GALNT13: variants seen among roughly 807,000 people sequenced by gnomAD.
GALNT13 encodes the protein UDP-GalNAc:polypeptide N-acetylgalactosaminyltransferase 13.
Under a neutral mutation model 64.2 loss-of-function variants are expected in GALNT13, and 28 were observed. That is an observed-to-expected ratio of 0.44 (90% CI 0.32 to 0.60). The LOEUF is 0.60. GALNT13 is among the 20% of genes least tolerant of loss of function. GALNT13 has a pLI of 0.05. For missense variants in GALNT13, 577 were observed against 669.8 expected (o/e 0.86, Z 1.53); for synonymous variants, 214 against 224.6 (o/e 0.95, Z 0.42).
At chr2:153,815,663 T>C in the GALNT13 span, among the ~76,000 whole-genome samples, 5 of 152,358 alleles carry the variant, frequency 3.3e-5, no homozygotes, top group East Asian at 3.9e-4. Context: ...TAACTCTGCA[T>C]GTCTTACAAT....
chr2:153,170,511 T>A, the GALNT13 span, among the ~76,000 whole-genome samples: 3 of 152,202 alleles, frequency 2.0e-5, no homozygotes, highest in African/African-American at 7.2e-5. Context: ...ACAGGTGATT[T>A]CTGACAATAG....
intron 9 of GALNT13, among the ~76,000 whole-genome samples, chr2:154,343,706 C>T (rs970858578): frequency 1.3e-5 from 2 of 151,982 alleles, no homozygotes; most frequent in Admixed American, 6.6e-5. Flanking sequence ...ATGGCTGTAA[C>T]ATTGATATAT....
At chr2:154,006,879 A>C (rs1435230317) in intron 3 of GALNT13, among the ~76,000 whole-genome samples, 1 of 152,206 alleles carries the variant, frequency 6.6e-6, no homozygotes, top group African/African-American at 2.4e-5. Flanking sequence ...GAAGACTTGT[A>C]AGATGGCTCC....
intron 8 of GALNT13, among the ~76,000 whole-genome samples, chr2:154,285,015 CAT>C (rs1024194639): frequency 6.6e-6 from 1 of 151,872 alleles, no homozygotes; most frequent in African/African-American, 2.4e-5. Context: ...GTTAGTGATT[CAT>C]ATCTTTTTTT....
At chr2:153,551,878 T>C in the GALNT13 span, among the ~76,000 whole-genome samples, 8 of 152,262 alleles carry the variant, frequency 5.3e-5, no homozygotes, top group Middle Eastern at 3.4e-3. Flanking sequence ...AAAACCTGTA[T>C]TGACTGAATC....
At chr2:154,268,813 T>C (rs1028184135) in intron 8 of GALNT13, among the ~76,000 whole-genome samples, 1 of 152,154 alleles carries the variant, frequency 6.6e-6, no homozygotes, top group Admixed American at 6.5e-5. Context: ...CCAGGACAAC[T>C]GTATTCATTA....
At position 154,269,925 on chromosome 2, in the gene GALNT13, T is replaced by TA. The variant is rs1421612508; in HGVS notation, c.975+10787_975+10788insA. Among the ~76,000 whole-genome samples, 556 of 138,848 alleles carry TA rather than the reference T, an allele frequency of 4.0e-3. 12 individuals are homozygous for TA. The highest frequency in any genetic ancestry group is 0.012 in the African/African-American group (445 of 37,364). The allele number at this position is 138,848 out of a possible 152,430, so 91.1% of individuals were successfully genotyped here. A position where few individuals can be genotyped will look rare whatever the true frequency, so the allele number is the denominator to read the frequency against. Reference sequence around the variant, plus strand: ...ATATGTGTATATATATATATATATATTTCTAAAGCACAGGGTGAGTAGGTG... The same window carrying TA: ...ATATGTGTATATATATATATATATATATTCTAAAGCACAGGGTGAGTAGGTG... On this transcript the variant is annotated intron_variant, in intron 8 of 12. Transcript: ENST00000392825.
chr2:154,023,861 C>T (rs1188119167), intron 3 of GALNT13, among the ~76,000 whole-genome samples: 1 of 141,836 alleles, frequency 7.1e-6, no homozygotes, highest in Non-Finnish European at 1.5e-5. Context: ...TTTAGTGCTT[C>T]TTTCAGGAGC....
At chr2:153,379,208 AT>A in the GALNT13 span, among the ~76,000 whole-genome samples, 1 of 152,200 alleles carries the variant, frequency 6.6e-6, no homozygotes, top group Non-Finnish European at 1.5e-5. Context: ...CATGAAGTTG[AT>A]TCTAATATTA....
At chr2:154,216,802 C>CTTTTTTTTTTTTTTTTTTT (rs397872685) in intron 4 of GALNT13, among the ~76,000 whole-genome samples, 1 of 71,296 alleles carries the variant, frequency 1.4e-5, no homozygotes, top group East Asian at 5.3e-4. Flanking sequence ...TTCTCTCTCT[C>CTTTTTTTTTTTTTTTTTTT]TTTTTTTTTT....
intron 3 of GALNT13, among the ~76,000 whole-genome samples, chr2:154,000,758 G>T (rs1014339260): frequency 1.2e-4 from 19 of 152,108 alleles, no homozygotes; most frequent in African/African-American, 4.6e-4. Flanking sequence ...AAGAATGTAT[G>T]TTTTATAGCT....
intron 8 of GALNT13, among the ~76,000 whole-genome samples, chr2:154,291,891 T>G (rs1486940680): frequency 6.6e-6 from 1 of 152,230 alleles, no homozygotes; most frequent in Non-Finnish European, 1.5e-5. Context: ...TTTTTTCCTT[T>G]TATGTTTGAG....
intron 7 of GALNT13, among the ~76,000 whole-genome samples, chr2:154,253,568 G>A (rs968279253): frequency 6.6e-6 from 1 of 152,096 alleles, no homozygotes; most frequent in African/African-American, 2.4e-5. Flanking sequence ...ATAGCTGGAG[G>A]CCAAGAGTTC....
the GALNT13 span, among the ~76,000 whole-genome samples, chr2:153,239,189 G>A: frequency 2.0e-5 from 3 of 151,958 alleles, no homozygotes; most frequent in East Asian, 3.9e-4. Context: ...GTGATTTTGT[G>A]TATTGCAACT....
chr2:153,424,021 A>C, the GALNT13 span, among the ~76,000 whole-genome samples: 4 of 151,042 alleles, frequency 2.6e-5, no homozygotes, highest in Non-Finnish European at 4.5e-5. Flanking sequence ...AGTAAATAAA[A>C]ATTTAACTGA....
chr2:153,322,648 C>A, the GALNT13 span, among the ~76,000 whole-genome samples: 1 of 152,062 alleles, frequency 6.6e-6, no homozygotes, highest in East Asian at 1.9e-4. Flanking sequence ...GCTATCCCTC[C>A]CCTTGCTCCC....
the GALNT13 span, among the ~76,000 whole-genome samples, chr2:153,780,853 A>C: frequency 6.6e-6 from 1 of 152,210 alleles, no homozygotes; most frequent in African/African-American, 2.4e-5. Context: ...CCAGGGATAC[A>C]GTGATGGCTA....
chr2:153,691,587 C>T, the GALNT13 span, among the ~76,000 whole-genome samples: 1 of 151,780 alleles, frequency 6.6e-6, no homozygotes, highest in Non-Finnish European at 1.5e-5. Context: ...AAAAAATGGG[C>T]AAAAGGCTTA....
chr2:153,235,590 A>G, the GALNT13 span, among the ~76,000 whole-genome samples: 4 of 152,086 alleles, frequency 2.6e-5, no homozygotes, highest in South Asian at 8.3e-4. Context: ...TATTATAGTG[A>G]GCATAGGTCA....
Sources: gnomAD v4.1 joint callset for allele counts (sites outside exome capture counted in the v4.1 genomes callset) on GRCh38, gnomAD v4.1.1 for gene constraint, MANE v1.5 for transcripts, NCBI Gene and HGNC (gene_info 2026-07-23, HGNC 2026-07-21) for gene names.